ICA1L: variants seen among roughly 807,000 people sequenced by gnomAD.
The protein encoded by ICA1L is islet cell autoantigen 1 like.
ICA1L carries 50 observed loss-of-function variants against 61.3 expected under a neutral mutation model. The ratio of observed to expected loss-of-function variants is 0.82; its 90% CI spans 0.65 to 1.03. The LOEUF is 1.03. Ranked by LOEUF, ICA1L falls within the 50% of genes least tolerant of loss-of-function variation. The pLI, the probability that ICA1L is intolerant of heterozygous loss-of-function variation, is 0.00. For synonymous variants in ICA1L, 161 were observed against 191.3 expected (o/e 0.84, Z 1.31); for missense variants, 508 against 556.7 (o/e 0.91, Z 0.88).
At chr2:202,792,093 AG>A (rs1296382984) in intron 10 of ICA1L, among the ~76,000 whole-genome samples, 1 of 152,064 alleles carries the variant, frequency 6.6e-6, no homozygotes, top group African/African-American at 2.4e-5. Context: ...ACTTGAACCC[AG>A]GAAGTGGAGA....
chr2:202,852,692 A>T (rs1010396039), intron 1 of ICA1L, among the ~76,000 whole-genome samples: 6 of 146,158 alleles, frequency 4.1e-5, no homozygotes, highest in African/African-American at 1.5e-4. Flanking sequence ...AAAAAAAAAA[A>T]AAAAGTGTAC....
chr2:202,810,521 G>C (rs1693344847), intron 9 of ICA1L, among the ~76,000 whole-genome samples: 1 of 152,274 alleles, frequency 6.6e-6, no homozygotes, highest in South Asian at 2.1e-4. Context: ...GAGGATGTAT[G>C]TCGCCTCAGG....
chr2:202,829,920 T>A (rs1693967553), intron 1 of ICA1L, among the ~76,000 whole-genome samples: 1 of 152,208 alleles, frequency 6.6e-6, no homozygotes, highest in Non-Finnish European at 1.5e-5. Context: ...ATAGTTATAA[T>A]CGCTATGTCA....
intron 1 of ICA1L, among the ~76,000 whole-genome samples, chr2:202,850,012 T>A (rs985617213): frequency 2.0e-5 from 3 of 152,160 alleles, no homozygotes; most frequent in Non-Finnish European, 4.4e-5. Flanking sequence ...AAACAGGTTA[T>A]AGAGTAGACC....
intron 1 of ICA1L, among the ~76,000 whole-genome samples, chr2:202,832,635 T>C (rs1271693609): frequency 6.6e-6 from 1 of 151,952 alleles, no homozygotes; most frequent in African/African-American, 2.4e-5. Context: ...TCACTGCAGC[T>C]GGATGTGGAG....
intron 6 of ICA1L, among the ~76,000 whole-genome samples, chr2:202,817,135 C>A (rs2105848346): frequency 1.3e-5 from 2 of 152,240 alleles, no homozygotes; most frequent in South Asian, 4.2e-4. Flanking sequence ...TAAACCAGGG[C>A]AAATGGGCCT....
chr2:202,860,493 C>T lies in ICA1L; in HGVS notation c.-8+11126G>A, dbSNP rs1281599077. 2.6e-5 allele frequency among the ~76,000 whole-genome samples: 4 copies of T among 152,218 alleles called. No individual in the cohort carries two copies. In the East Asian group the frequency reaches 7.7e-4, roughly 29 times the overall value. ...TTTAGGCTGGGTGCAGTGGCTCACG[C>T]CTGTAATCCCAGCACTTTGGGAGGC... On this transcript the variant is annotated intron_variant, in intron 1 of 12. Coordinates refer to ENST00000358299, the MANE Select transcript of ICA1L (RefSeq NM_001288622.3).
chr2:202,783,389 G>C (rs1331327337), intron 12 of ICA1L, among the ~76,000 whole-genome samples: 2 of 152,178 alleles, frequency 1.3e-5, no homozygotes, highest in Non-Finnish European at 2.9e-5. Flanking sequence ...AACATCACCA[G>C]AAGTGAAACA....
At chr2:202,803,573 C>T (rs1400606503) in intron 9 of ICA1L, among the ~76,000 whole-genome samples, 1 of 152,060 alleles carries the variant, frequency 6.6e-6, no homozygotes, top group Non-Finnish European at 1.5e-5. Context: ...GTCACTCTGT[C>T]GACCATGCTG....
Position 202,777,832 on chromosome 2 carries a change from C to G in ICA1L, c.*1701G>C, listed in dbSNP as rs1170562747. The G allele has an allele frequency of 6.7e-6, 1 of 150,026 alleles. No individual in the cohort carries two copies. Among genetic ancestry groups the G allele is most frequent in the African/African-American group, 2.5e-5 (1 of 40,762 alleles). The allele number at this position is 150,026 out of a possible 1,614,324, so 9.3% of individuals were successfully genotyped here. On this transcript the variant is annotated 3_prime_UTR_variant, in exon 13 of 13. Coordinates refer to ENST00000358299, the MANE Select transcript of ICA1L (RefSeq NM_001288622.3). ...CTAAATAAGCCTGTTTAGAATAGAA[C>G]TAAGAGCACATGGAAGCTACTGTGA...
rs551719453 is a variant in ICA1L, at chr2:202,783,241, C to T, written c.1333+2677G>A. Among the ~76,000 whole-genome samples, 5 of 152,324 alleles carry T rather than the reference C, an allele frequency of 3.3e-5. No individual in the cohort carries two copies. In the South Asian group the frequency reaches 1.0e-3, roughly 32 times the overall value. On this transcript the variant is annotated intron_variant, in intron 12 of 12. Transcript: ENST00000358299. ...GTGAATGCTAAATTAGTGGGCAAAA[C>T]TTCAGTAGAAACAAACCATTTGCAG...
rs1692281355 is a variant in ICA1L at position 202,778,081 on chromosome 2, C to G, written c.*1452G>C. On this transcript the variant is annotated 3_prime_UTR_variant, in exon 13 of 13. Transcript: ENST00000358299. ...ATTTTTAGTAGAGACGGGGTTTCACCATGTTAGCCAGGATGGTCTCCATCT... is the reference window on the plus strand; with the variant it reads ...ATTTTTAGTAGAGACGGGGTTTCACGATGTTAGCCAGGATGGTCTCCATCT... The G allele has an allele frequency of 6.6e-6, 1 of 151,912 alleles. No individual in the cohort carries two copies. The highest frequency in any genetic ancestry group is 6.6e-5 in the Admixed American group (1 of 15,232). 9.4% of individuals were successfully genotyped at this position (151,912 alleles called of 1,614,324 possible).
intron 3 of ICA1L, among the ~76,000 whole-genome samples, chr2:202,825,193 G>C (rs1693806401): frequency 6.6e-6 from 1 of 152,196 alleles, no homozygotes; most frequent in African/African-American, 2.4e-5. Flanking sequence ...GCAGGCCCAG[G>C]CATGGTGACT....
chr2:202,834,719 GAT>G (rs901569728), intron 1 of ICA1L, among the ~76,000 whole-genome samples: 4 of 152,100 alleles, frequency 2.6e-5, no homozygotes, highest in African/African-American at 9.7e-5. Flanking sequence ...AAACATCATT[GAT>G]ATGTTTACTC....
intron 1 of ICA1L, among the ~76,000 whole-genome samples, chr2:202,858,460 G>A (rs1444642751): frequency 6.6e-6 from 1 of 152,178 alleles, no homozygotes; most frequent in Non-Finnish European, 1.5e-5. Context: ...ATCACACACT[G>A]GGGCCTGTCA....
At chr2:202,795,073 CTTTTTTTTT>C (rs59752090) in intron 10 of ICA1L, among the ~76,000 whole-genome samples, 14 of 97,074 alleles carry the variant, frequency 1.4e-4, no homozygotes, top group Non-Finnish European at 2.4e-4. Context: ...GTTTCCTTTT[CTTTTTTTTT>C]TTTTTTTTTT....
At chr2:202,861,401 CAAAAAAAAAAAAAAA>C (rs61240847) in intron 1 of ICA1L, among the ~76,000 whole-genome samples, 6 of 21,732 alleles carry the variant, frequency 2.8e-4, no homozygotes, top group African/African-American at 5.0e-4. Flanking sequence ...GAGACTATCT[CAAAAAAAAAAAAAAA>C]AAAAAAAAAA....
chr2:202,856,565 C>A (rs1219844738), intron 1 of ICA1L, among the ~76,000 whole-genome samples: 1 of 152,050 alleles, frequency 6.6e-6, no homozygotes, highest in Non-Finnish European at 1.5e-5. Context: ...CTTTGAAAAC[C>A]AGCACAAGAT....
chr2:202,791,466 G>A (rs1288185704), intron 10 of ICA1L, among the ~76,000 whole-genome samples: 1 of 152,166 alleles, frequency 6.6e-6, no homozygotes, highest in African/African-American at 2.4e-5. Context: ...TTGTCAGTAA[G>A]GAAGATACAC....
Sources: allele counts gnomAD v4.1 joint callset (sites outside exome capture counted in the v4.1 genomes callset), GRCh38; gene constraint gnomAD v4.1.1; transcripts MANE v1.5; gene names NCBI Gene and HGNC (gene_info 2026-07-23, HGNC 2026-07-21).